The following TNS3 variants were observed in gnomAD, a reference collection of about 807,000 sequenced individuals.
The protein encoded by TNS3 is tensin-3.
A neutral mutation model predicts 140.9 loss-of-function variants in TNS3; 45 were observed. That is an observed-to-expected ratio of 0.32 (90% confidence interval 0.25 to 0.41). TNS3 has a LOEUF of 0.41. Ranked by LOEUF, TNS3 falls within the 10% of genes least tolerant of loss-of-function variation. The pLI, the probability that TNS3 is intolerant of heterozygous loss-of-function variation, is 1.00. For synonymous variants in TNS3, 815 were observed against 788.4 expected (o/e 1.03, Z -0.56); for missense variants, 1,716 against 1,906.7 (o/e 0.90, Z 1.86).
At chr7:47,413,880 C>T in intron 12 of TNS3, 57 bp downstream of exon 12, 9 of 1,599,774 alleles carry the variant, frequency 5.6e-6, no homozygotes, top group Non-Finnish European at 7.7e-6. Context: ...GGGTCAGCTG[C>T]AGTTCCCTGA....
intron 13 of TNS3, among the ~76,000 whole-genome samples, chr7:47,408,362 A>G (rs1265704435): frequency 6.6e-6 from 1 of 151,948 alleles, no homozygotes; most frequent in Admixed American, 6.5e-5. Context: ...GCTACAACAG[A>G]GATGCATGTA....
intron 13 of TNS3, among the ~76,000 whole-genome samples, chr7:47,401,116 T>G (rs1463590561): frequency 6.6e-6 from 1 of 152,210 alleles, no homozygotes; most frequent in Non-Finnish European, 1.5e-5. Context: ...ACCACACTGC[T>G]GCTGCTGGGT....
chr7:47,532,609 C>G (rs1381709914), intron 1 of TNS3, among the ~76,000 whole-genome samples: 1 of 152,126 alleles, frequency 6.6e-6, no homozygotes, highest in East Asian at 1.9e-4. Flanking sequence ...TGGGTCTCCT[C>G]TGAGCTGTTT....
At chr7:47,411,430 C>CAATAGTTCACAATAGGGTTCGCAACCCT (rs1793760694) in intron 13 of TNS3, among the ~76,000 whole-genome samples, 1 of 152,144 alleles carries the variant, frequency 6.6e-6, no homozygotes, top group Non-Finnish European at 1.5e-5. Context: ...CTCGCATACA[C>CAATAGTTCACAATAGGGTTCGCAACCCT]AGTTCACAAT....
rs776920069 is a variant in TNS3, at chr7:47,280,205, A to C, written c.4167-15T>G. On this transcript the variant is annotated splice_polypyrimidine_tract_variant and intron_variant, in intron 29 of 30. Transcript: ENST00000311160. ...CTTTGATCCACCTTGCAAATTAAAG[A>C]GAAAAACAGAGGTTAATTTTTTTAA... is the stretch of plus-strand genomic sequence containing the variant. 1 of 1,614,082 alleles carries C rather than the reference A, an allele frequency of 6.2e-7. No homozygotes were observed. Among genetic ancestry groups the C allele is most frequent in the African/African-American group, 1.3e-5 (1 of 74,934 alleles).
chr7:47,307,864 T>C (rs1203073878), intron 20 of TNS3, among the ~76,000 whole-genome samples: 1 of 152,214 alleles, frequency 6.6e-6, no homozygotes, highest in Non-Finnish European at 1.5e-5. Context: ...TTATCATATA[T>C]ATGATTTGCA....
chr7:47,409,276 C>T (rs937344052), intron 13 of TNS3, among the ~76,000 whole-genome samples: 4 of 150,304 alleles, frequency 2.7e-5, no homozygotes, highest in African/African-American at 1.0e-4. Context: ...CCCCCGCCCG[C>T]CTGGTCTCAG....
rs1416471169 is a variant in TNS3 at position 47,314,858 on chromosome 7, C to T, written c.2651-9855G>A. On this transcript the variant is annotated intron_variant, in intron 20 of 30. Transcript: ENST00000311160. Reference sequence around the variant, plus strand: ...CGCTGCTCTCTCCAGAGCCCTGCGCCTGTGGCAGCCTGTCTCTCTGCTTCA... The same window carrying T: ...CGCTGCTCTCTCCAGAGCCCTGCGCTTGTGGCAGCCTGTCTCTCTGCTTCA... Among the ~76,000 whole-genome samples, 3 of 152,222 alleles carry T rather than the reference C, an allele frequency of 2.0e-5. No individual in the cohort carries two copies. The East Asian group carries it at 5.8e-4, about 29-fold the overall frequency.
At chr7:47,296,668 C>G (rs1185352287) in intron 24 of TNS3, among the ~76,000 whole-genome samples, 1 of 152,148 alleles carries the variant, frequency 6.6e-6, no homozygotes, top group Non-Finnish European at 1.5e-5. Context: ...TAGTACTCAA[C>G]AGTATGCTAG....
At chr7:47,501,732 T>C (rs867817545) in intron 3 of TNS3, among the ~76,000 whole-genome samples, 27 of 152,072 alleles carry the variant, frequency 1.8e-4, no homozygotes, top group Admixed American at 5.2e-4. Flanking sequence ...GCTATGGGAA[T>C]TGGGGAGAGA....
rs181474421 is a variant in TNS3, at chr7:47,309,843, C to T, written c.2651-4840G>A. 2.2e-3 allele frequency among the ~76,000 whole-genome samples: 341 copies of T among 152,336 alleles called. 1 individual carries two copies. Among genetic ancestry groups the T allele is most frequent in the African/African-American group, 7.5e-3 (311 of 41,576 alleles). ...GAGAGAGCATGTTAATTTTCAGTTA[C>T]AGTGCAGGAGTTAAACTTCCACTAA... On this transcript the variant is annotated intron_variant, in intron 20 of 30. Coordinates refer to ENST00000311160, the MANE Select transcript of TNS3 (RefSeq NM_022748.12).
chr7:47,451,852 C>G (rs1351808068), intron 4 of TNS3, among the ~76,000 whole-genome samples: 5 of 152,210 alleles, frequency 3.3e-5, no homozygotes, highest in Non-Finnish European at 7.3e-5. Context: ...TTTGTTCATC[C>G]TTCATTGATT....
rs1792861123 is a variant in TNS3 at position 47,396,856 on chromosome 7, G to GTGT, written c.965_967dup (p.Asn322dup). 1 of 1,614,078 alleles carries GTGT rather than the reference G, an allele frequency of 6.2e-7. No individual in the cohort carries two copies. Among genetic ancestry groups the GTGT allele is most frequent in the South Asian group, 1.1e-5 (1 of 91,082 alleles). On this transcript the variant is annotated inframe_insertion, in exon 16 of 31. Coordinates refer to ENST00000311160, the MANE Select transcript of TNS3 (RefSeq NM_022748.12). ...GTCCCAGCGTATCAGTGGGTCTGTT[G>GTGT]TGTTGTAGTCCACAATCACACCGTG...
rs151231554 is a variant in TNS3, at chr7:47,306,468, C to A, written c.2651-1465G>T. Among the ~76,000 whole-genome samples the A allele has an allele frequency of 8.7e-3, 1,321 of 152,334 alleles. 14 individuals are homozygous for A. The highest frequency in any genetic ancestry group is 0.013 in the Non-Finnish European group (906 of 68,032). On this transcript the variant is annotated intron_variant, in intron 20 of 30. Coordinates refer to ENST00000311160, the MANE Select transcript of TNS3 (RefSeq NM_022748.12). ...GAACATTCTAAAAATTATATGGTAT[C>A]CCCACATATGTGAAGTGAAGCACTT...
At chr7:47,543,224 G>T (rs1214110808) in intron 1 of TNS3, among the ~76,000 whole-genome samples, 3 of 152,244 alleles carry the variant, frequency 2.0e-5, no homozygotes, top group Non-Finnish European at 4.4e-5. Context: ...AGAAGGGACA[G>T]TGTAACAGTG....
intron 17 of TNS3, among the ~76,000 whole-genome samples, chr7:47,363,700 C>A (rs1790527707): frequency 6.6e-6 from 1 of 152,172 alleles, no homozygotes. Context: ...CTCAGAACTT[C>A]CAGTCTATGG....
chr7:47,500,751 C>T (rs941726261), intron 3 of TNS3, among the ~76,000 whole-genome samples: 4 of 152,122 alleles, frequency 2.6e-5, no homozygotes, highest in African/African-American at 9.7e-5. Context: ...AGCTTTTACA[C>T]GCAGGGCCAG....
chr7:47,314,493 C>T (rs1787282427), intron 20 of TNS3, among the ~76,000 whole-genome samples: 1 of 152,208 alleles, frequency 6.6e-6, no homozygotes, highest in Non-Finnish European at 1.5e-5. Flanking sequence ...TAGTCAAATG[C>T]ACCAGTCAAG....
chr7:47,419,137 G>A (rs116772232), intron 10 of TNS3, among the ~76,000 whole-genome samples: 110 of 152,378 alleles, frequency 7.2e-4, no homozygotes, highest in African/African-American at 2.4e-3. Context: ...CTGCAAAGAT[G>A]AGTCAGTTGC....
Sources: allele counts gnomAD v4.1 joint callset (sites outside exome capture counted in the v4.1 genomes callset), GRCh38; gene constraint gnomAD v4.1.1; transcripts MANE v1.5; gene names NCBI Gene and HGNC (gene_info 2026-07-23, HGNC 2026-07-21).